The following THOC5 variants were observed in gnomAD, a reference collection of about 807,000 sequenced individuals.
THOC5 encodes the protein Fms-interacting protein.
In THOC5, 43 loss-of-function variants were observed where a neutral mutation model predicts 92.9. The ratio of observed to expected loss-of-function variants is 0.46; its 90% confidence interval spans 0.36 to 0.60. THOC5 has a LOEUF of 0.60. Ranked by LOEUF, THOC5 falls within the 20% of genes least tolerant of loss-of-function variation. THOC5 has a pLI of 0.00. For synonymous variants in THOC5, 296 were observed against 320.1 expected (o/e 0.92, Z 0.80); for missense variants, 659 against 849.4 (o/e 0.78, Z 2.79).
intron 1 of THOC5, chr22:29,550,959 G>A (rs1193377271): frequency 6.6e-6 from 1 of 151,968 alleles, no homozygotes; most frequent in Admixed American, 6.6e-5. Flanking sequence ...ATGTTCCTTT[G>A]TAACAAAAGA....
Position 29,508,423 on chromosome 22 carries a change from AG to A in THOC5, c.*33del. The A allele has an allele frequency of 6.2e-7, 1 of 1,606,480 alleles. No individual in the cohort carries two copies. The highest frequency in any genetic ancestry group is 8.5e-7 in the Non-Finnish European group (1 of 1,173,032). The stretch of plus-strand genomic sequence containing the variant: ...AAGCAGAAGCCCAGTGCTCAGGGTG[AG>A]GCCTTGGGGGAAACAACGGTCTGCG... On this transcript the variant is annotated 3_prime_UTR_variant, in exon 20 of 20. Transcript: ENST00000490103.
chr22:29,524,796 G>C (rs1334564294), intron 12 of THOC5, among the ~76,000 whole-genome samples: 1 of 152,210 alleles, frequency 6.6e-6, no homozygotes, highest in Non-Finnish European at 1.5e-5. Context: ...CAGCATCATG[G>C]AGAACTGGCA....
chr22:29,552,556 GC>G (rs2064184736), intron 1 of THOC5, among the ~76,000 whole-genome samples: 1 of 148,714 alleles, frequency 6.7e-6, no homozygotes, highest in Non-Finnish European at 1.5e-5. Flanking sequence ...CCGGCCAGCC[GC>G]CCCGTCCGGG....
chr22:29,543,695 G>T (rs1203050278), intron 3 of THOC5, among the ~76,000 whole-genome samples, 153 bp from the exon 4 acceptor site: 2 of 152,088 alleles, frequency 1.3e-5, no homozygotes, highest in Admixed American at 1.3e-4. Flanking sequence ...ATAAGAGGAT[G>T]ATTGTATAAG....
intron 5 of THOC5, among the ~76,000 whole-genome samples, chr22:29,540,304 T>C (rs1474880454): frequency 2.6e-5 from 4 of 152,224 alleles, no homozygotes; most frequent in Non-Finnish European, 4.4e-5. Context: ...TGTATTAACA[T>C]AGTTGACTGC....
In THOC5 at chr22:29,541,873, AAAAAAAAAAAAAAAAAAAAAATAT is replaced by A. The variant is rs2063896698; in HGVS notation, c.452+962_452+985del. Among the ~76,000 whole-genome samples, 3 of 61,384 alleles carry A rather than the reference AAAAAAAAAAAAAAAAAAAAAATAT, an allele frequency of 4.9e-5. No homozygotes were observed. The Admixed American group carries it at 7.1e-4, about 15-fold the overall frequency. 40.3% of individuals were successfully genotyped at this position (61,384 alleles called of 152,430 possible). On this transcript the variant is annotated intron_variant, in intron 5 of 19. Transcript: ENST00000490103. ...AAGACTCCATCTCCAAAAAAAAAAA[AAAAAAAAAAAAAAAAAAAAAATAT>A]ATATATATATATATATATATATATA... is the stretch of plus-strand genomic sequence containing the variant.
chr22:29,550,700 C>T (rs547458090), intron 1 of THOC5: 1 of 152,300 alleles, frequency 6.6e-6, no homozygotes, highest in East Asian at 1.9e-4. Context: ...TGATTCCTCA[C>T]AAATCAAATG....
In THOC5 at chr22:29,519,073, G is replaced by T. The variant is rs750452627; in HGVS notation, c.1422C>A (p.Thr474=). The T allele has an allele frequency of 1.9e-6, 3 of 1,611,596 alleles. No homozygotes were observed. The East Asian group carries it at 6.7e-5, about 36-fold the overall frequency. ...DHSLSASHME[T]TMKLLKTRVQ... ...CCCTGGTCTTCAGAAGTTTCATGGT[G>T]GTCTCCATGTGGCTGGCGCTCAGCG... Residue 474 remains threonine, a synonymous_variant, in exon 15 of 20, where the codon ACC becomes ACA. Coordinates refer to ENST00000490103, the MANE Select transcript of THOC5 (RefSeq NM_003678.5).
At chr22:29,526,388 C>T (rs1022702898) in intron 11 of THOC5, among the ~76,000 whole-genome samples, 3 of 151,822 alleles carry the variant, frequency 2.0e-5, no homozygotes, top group East Asian at 1.9e-4. Flanking sequence ...AAAAATCAGT[C>T]GGGCGTGGTG....
At chr22:29,522,497 G>T (rs1206306183) in intron 12 of THOC5, among the ~76,000 whole-genome samples, 2 of 152,224 alleles carry the variant, frequency 1.3e-5, no homozygotes, top group Non-Finnish European at 2.9e-5. Flanking sequence ...TGCCCACGAT[G>T]AAGGTTATTA....
chr22:29,543,396 A>T, intron 4 of THOC5, 33 bp downstream of exon 4: 5 of 1,156,476 alleles, frequency 4.3e-6, no homozygotes, highest in Non-Finnish European at 6.4e-6. Context: ...AGGAGGAAGG[A>T]GGAAGGTTAA....
intron 2 of THOC5, among the ~76,000 whole-genome samples, chr22:29,547,898 G>A (rs949814275): frequency 5.3e-5 from 8 of 152,154 alleles, no homozygotes; most frequent in Admixed American, 1.3e-4. Context: ...CTGAAATTGG[G>A]AACAAAAAGA....
At chr22:29,510,645 C>A (rs1466154182) in intron 19 of THOC5, among the ~76,000 whole-genome samples, 1 of 152,012 alleles carries the variant, frequency 6.6e-6, no homozygotes, top group Non-Finnish European at 1.5e-5. Context: ...TGGAGGAGGG[C>A]TCAGAGCTAA....
chr22:29,539,868 A>G (rs182791982), intron 5 of THOC5, among the ~76,000 whole-genome samples: 1 of 152,348 alleles, frequency 6.6e-6, no homozygotes, highest in Admixed American at 6.5e-5. Flanking sequence ...GTCTGCACTT[A>G]AGTTCAAGAC....
At chr22:29,540,489 G>C (rs911266474) in intron 5 of THOC5, among the ~76,000 whole-genome samples, 1 of 152,106 alleles carries the variant, frequency 6.6e-6, no homozygotes, top group African/African-American at 2.4e-5. Context: ...GCTTGCCCAA[G>C]GTCCACAGCT....
At chr22:29,539,887 C>T (rs1049864417) in intron 5 of THOC5, among the ~76,000 whole-genome samples, 1 of 152,044 alleles carries the variant, frequency 6.6e-6, no homozygotes, top group Non-Finnish European at 1.5e-5. Context: ...ACATTAGCCG[C>T]GTAAGAACAG....
intron 17 of THOC5, 69 bp downstream of exon 17, chr22:29,516,960 G>A (rs1200784968): frequency 2.9e-5 from 43 of 1,496,034 alleles, no homozygotes; most frequent in Non-Finnish European, 3.7e-5. Flanking sequence ...GCTTTGGGCA[G>A]CCCCGGAGAG....
At chr22:29,514,328 T>C (rs1416188050) in intron 17 of THOC5, among the ~76,000 whole-genome samples, 1 of 151,108 alleles carries the variant, frequency 6.6e-6, no homozygotes. Flanking sequence ...TTTTTTTTTT[T>C]TTTTTTGAGA....
intron 17 of THOC5, among the ~76,000 whole-genome samples, chr22:29,515,736 T>A (rs954732970): frequency 1.3e-5 from 2 of 148,702 alleles, no homozygotes; most frequent in Non-Finnish European, 3.0e-5. Flanking sequence ...GAGGCTGAGG[T>A]AGGGAAATGA....
Sources: allele counts gnomAD v4.1 joint callset (sites outside exome capture counted in the v4.1 genomes callset), GRCh38; gene constraint gnomAD v4.1.1; transcripts MANE v1.5; gene names NCBI Gene and HGNC (gene_info 2026-07-23, HGNC 2026-07-21).